Variants in AUTS2 observed in about 807,000 individuals in gnomAD.
AUTS2 encodes the protein activator of transcription and developmental regulator AUTS2, also known as autism susceptibility gene 2 protein.
In AUTS2, 17 loss-of-function variants were observed where a neutral mutation model predicts 112.4. The observed-to-expected ratio is 0.15, with a 90% confidence interval of 0.10 to 0.23. AUTS2 has a LOEUF of 0.23. AUTS2 is among the 10% of genes least tolerant of loss of function. The pLI, the probability that AUTS2 is intolerant of heterozygous loss-of-function variation, is 1.00. For missense variants in AUTS2, 1,510 were observed against 1,701.6 expected, an observed-to-expected ratio of 0.89 and a Z score of 1.98; for synonymous variants, 751 against 702.7, an observed-to-expected ratio of 1.07 and a Z score of -1.09.
chr7:69,937,800 C>T (rs1796473959), intron 2 of AUTS2, among the ~76,000 whole-genome samples: 1 of 152,218 alleles, frequency 6.6e-6, no homozygotes, highest in African/African-American at 2.4e-5. Flanking sequence ...GGGTCCTCTC[C>T]TACCTGCTGT....
intron 5 of AUTS2, among the ~76,000 whole-genome samples, chr7:70,496,754 C>T (rs1798544277): frequency 6.8e-6 from 1 of 147,060 alleles, no homozygotes; most frequent in Admixed American, 6.8e-5. Context: ...GTCGATCACA[C>T]ACCCCACTCA....
rs113979057 is a variant in AUTS2 at position 70,364,517 on chromosome 7, G to A, written c.661-71235G>A. 9.5e-3 allele frequency among the ~76,000 whole-genome samples: 1,428 copies of A among 150,944 alleles called. 33 individuals carry two copies. Among genetic ancestry groups the A allele is most frequent in the African/African-American group, 0.033 (1,336 of 41,070 alleles). ...GGAGGCAGAGGTTGCGGTGAGCCAGGATCACGCCACTGCACTCCAGCCTGG... is the reference window on the plus strand; with the variant it reads ...GGAGGCAGAGGTTGCGGTGAGCCAGAATCACGCCACTGCACTCCAGCCTGG... On this transcript the variant is annotated intron_variant, in intron 4 of 18. Coordinates refer to ENST00000342771, the MANE Select transcript of AUTS2 (RefSeq NM_015570.4).
chr7:70,171,103 C>T (rs1016959028), intron 4 of AUTS2, among the ~76,000 whole-genome samples: 3 of 152,144 alleles, frequency 2.0e-5, no homozygotes, highest in Non-Finnish European at 2.9e-5. Flanking sequence ...TGGAGAAATC[C>T]TCATTGATTA....
intron 4 of AUTS2, among the ~76,000 whole-genome samples, chr7:70,156,544 C>T (rs759571938): frequency 6.6e-6 from 1 of 152,070 alleles, no homozygotes; most frequent in Non-Finnish European, 1.5e-5. Flanking sequence ...CTAGAACCAT[C>T]GTTTGCAAGC....
chr7:70,547,022 TATTC>T (rs1452741184), intron 5 of AUTS2, among the ~76,000 whole-genome samples: 2 of 152,214 alleles, frequency 1.3e-5, no homozygotes, highest in African/African-American at 4.8e-5. Context: ...CATGCCGTAA[TATTC>T]ACCCGTACTA....
At chr7:70,180,246 C>T (rs1277097143) in intron 4 of AUTS2, among the ~76,000 whole-genome samples, 2 of 152,096 alleles carry the variant, frequency 1.3e-5, no homozygotes, top group Admixed American at 1.3e-4. Context: ...TTTTATTCCA[C>T]TTTGATTTAC....
chr7:70,514,679 C>G (rs1799343659), intron 5 of AUTS2, among the ~76,000 whole-genome samples: 1 of 152,178 alleles, frequency 6.6e-6, no homozygotes, highest in Admixed American at 6.5e-5. Flanking sequence ...CAAAGCGTAT[C>G]ATGGGGTCAT....
intron 5 of AUTS2, among the ~76,000 whole-genome samples, chr7:70,532,515 G>A (rs571386924): frequency 8.7e-4 from 132 of 152,212 alleles, no homozygotes; most frequent in African/African-American, 3.0e-3. Context: ...GAACAGGGTC[G>A]ATACCAGGGT....
chr7:70,100,429 ATT>A lies in AUTS2; in HGVS notation c.523-17691_523-17690del, dbSNP rs59053495. Among the ~76,000 whole-genome samples the A allele has an allele frequency of 3.0e-3, 437 of 145,578 alleles. 3 individuals are homozygous for A. The highest frequency in any genetic ancestry group is 9.9e-3 in the African/African-American group (399 of 40,116). On this transcript the variant is annotated intron_variant, in intron 2 of 18. Coordinates refer to ENST00000342771, the MANE Select transcript of AUTS2 (RefSeq NM_015570.4). ...AGTAGAAAGCTATAACGGTTGTACC[ATT>A]TTTTTTTTTTTAAATACTTTAAGTT...
intron 1 of AUTS2, among the ~76,000 whole-genome samples, chr7:69,638,031 T>A (rs192540286): frequency 6.6e-6 from 1 of 152,346 alleles, no homozygotes; most frequent in East Asian, 1.9e-4. Flanking sequence ...TTTTACTTTA[T>A]TTTTTGAGAC....
chr7:70,453,258 G>A (rs1038630474), intron 5 of AUTS2, among the ~76,000 whole-genome samples: 5 of 152,202 alleles, frequency 3.3e-5, no homozygotes, highest in Non-Finnish European at 4.4e-5. Context: ...TAATGATAGC[G>A]TTGCTGTCTA....
intron 2 of AUTS2, among the ~76,000 whole-genome samples, chr7:69,957,897 A>G (rs1797280655): frequency 6.6e-6 from 1 of 152,150 alleles, no homozygotes; most frequent in Admixed American, 6.5e-5. Flanking sequence ...GGTTTGGCAA[A>G]TGGGTTGTGG....
chr7:69,911,209 G>A (rs965181333), intron 2 of AUTS2, among the ~76,000 whole-genome samples: 4 of 152,218 alleles, frequency 2.6e-5, no homozygotes, highest in African/African-American at 4.8e-5. Context: ...CTCCATGCAA[G>A]GCTGTGGCTG....
At chr7:70,044,126 G>A (rs1266875355) in intron 2 of AUTS2, among the ~76,000 whole-genome samples, 1 of 152,124 alleles carries the variant, frequency 6.6e-6, no homozygotes, top group Non-Finnish European at 1.5e-5. Context: ...TGACTGGAAG[G>A]CACAACAGCT....
intron 2 of AUTS2, among the ~76,000 whole-genome samples, chr7:70,078,970 G>T (rs1803171671): frequency 6.6e-6 from 1 of 152,138 alleles, no homozygotes; most frequent in Non-Finnish European, 1.5e-5. Flanking sequence ...CTATATCTTT[G>T]CTTTTTTCTC....
At chr7:70,633,920 G>A (rs769851998) in intron 5 of AUTS2, among the ~76,000 whole-genome samples, 3 of 152,060 alleles carry the variant, frequency 2.0e-5, no homozygotes, top group Non-Finnish European at 2.9e-5. Flanking sequence ...AAGGGTGATG[G>A]CTGTGTCAGG....
chr7:70,720,174 C>T (rs1002753614), intron 6 of AUTS2, among the ~76,000 whole-genome samples: 1 of 150,194 alleles, frequency 6.7e-6, no homozygotes, highest in African/African-American at 2.5e-5. Flanking sequence ...AAGATCAACA[C>T]GAAGTCTTTT....
chr7:70,473,457 C>T (rs1585187169), intron 5 of AUTS2, among the ~76,000 whole-genome samples: 1 of 152,148 alleles, frequency 6.6e-6, no homozygotes, highest in Admixed American at 6.5e-5. Flanking sequence ...GTACTGAGTT[C>T]AGCATGAATC....
intron 2 of AUTS2, among the ~76,000 whole-genome samples, chr7:69,989,126 T>C (rs768153981): frequency 6.6e-6 from 1 of 152,240 alleles, no homozygotes; most frequent in African/African-American, 2.4e-5. Context: ...CCCAAGAATC[T>C]GTACCATGTA....
Sources: gnomAD v4.1 joint callset for allele counts (sites outside exome capture counted in the v4.1 genomes callset) on GRCh38, gnomAD v4.1.1 for gene constraint, MANE v1.5 for transcripts, NCBI Gene and HGNC (gene_info 2026-07-23, HGNC 2026-07-21) for gene names.